Variants in DSCAM observed in about 807,000 individuals in gnomAD.
The protein encoded by DSCAM is cell adhesion molecule DSCAM.
Under a neutral mutation model 217.7 loss-of-function variants are expected in DSCAM, and 47 were observed. That is an observed-to-expected ratio of 0.22 (90% CI 0.17 to 0.28). The LOEUF is 0.28. Among genes scored for constraint, DSCAM ranks in the 10% least tolerant of loss-of-function variants. The pLI, the probability that DSCAM is intolerant of heterozygous loss-of-function variation, is 1.00. For synonymous variants in DSCAM, 1,056 were observed against 1,015.3 expected, an observed-to-expected ratio of 1.04 and a Z score of -0.76; for missense variants, 2,080 against 2,618.3, an observed-to-expected ratio of 0.79 and a Z score of 4.49.
At chr21:40,629,320 A>G (rs2089655587) in intron 3 of DSCAM, among the ~76,000 whole-genome samples, 1 of 152,240 alleles carries the variant, frequency 6.6e-6, no homozygotes, top group East Asian at 1.9e-4. Context: ...AAACAGAAGT[A>G]ATCAAATTTA....
chr21:40,681,589 C>A (rs1405325751), intron 3 of DSCAM, among the ~76,000 whole-genome samples: 1 of 151,026 alleles, frequency 6.6e-6, no homozygotes, highest in African/African-American at 2.4e-5. Context: ...TGAGAGAGGG[C>A]AAATAAAGAA....
intron 2 of DSCAM, among the ~76,000 whole-genome samples, chr21:40,697,045 A>C (rs184559569): frequency 1.3e-5 from 2 of 151,976 alleles, no homozygotes. Context: ...TCAGCCAACT[A>C]CTCTTTAACC....
chr21:40,403,231 C>T (rs968777060), intron 3 of DSCAM, among the ~76,000 whole-genome samples: 2 of 151,842 alleles, frequency 1.3e-5, no homozygotes, highest in Non-Finnish European at 2.9e-5. Flanking sequence ...TATCAATGAA[C>T]TAGCATACTT....
chr21:40,317,302 T>C (rs1406712052), intron 8 of DSCAM, among the ~76,000 whole-genome samples: 1 of 152,184 alleles, frequency 6.6e-6, no homozygotes, highest in Admixed American at 6.5e-5. Flanking sequence ...CTGATACAGT[T>C]CTCCACAATG....
At chr21:40,665,198 G>C (rs1264428865) in intron 3 of DSCAM, among the ~76,000 whole-genome samples, 2 of 152,188 alleles carry the variant, frequency 1.3e-5, no homozygotes, top group Non-Finnish European at 2.9e-5. Flanking sequence ...CACAGAGGCA[G>C]GCTGGGCATG....
chr21:40,267,854 C>T lies in DSCAM; in HGVS notation c.2356+8243G>A, dbSNP rs1419626507. 2.3e-4 allele frequency among the ~76,000 whole-genome samples: 35 copies of T among 151,916 alleles called. 1 individual carries two copies. Among genetic ancestry groups the T allele is most frequent in the Admixed American group, 2.3e-3 (35 of 15,238 alleles). ...GAGGTTGTAGTGAGCTGAGATCGTG[C>T]CATTGCACTCTAGCCTGGGAAACAA... is the stretch of plus-strand genomic sequence containing the variant. On this transcript the variant is annotated intron_variant, in intron 11 of 32. Transcript: ENST00000400454.
At position 40,838,901 on chromosome 21, in the gene DSCAM, C is replaced by T. The variant is rs371130973; in HGVS notation, c.43+7718G>A. On this transcript the variant is annotated intron_variant, in intron 1 of 32. Transcript: ENST00000400454. ...CAGCAGTATTTGCATAAAAATTCAA[C>T]GATTCTACTATTAATAAAACCCAAA... 1.2e-4 allele frequency among the ~76,000 whole-genome samples: 19 copies of T among 152,236 alleles called. No homozygotes were observed. The East Asian group carries it at 1.7e-3, about 14-fold the overall frequency.
At chr21:40,017,680 T>G (rs529528356) in intron 32 of DSCAM, among the ~76,000 whole-genome samples, 2 of 151,752 alleles carry the variant, frequency 1.3e-5, no homozygotes, top group African/African-American at 2.4e-5. Context: ...GCCTCCTGAG[T>G]AGCTGGGATT....
At chr21:40,115,789 A>C (rs1254680325) in intron 20 of DSCAM, among the ~76,000 whole-genome samples, 4 of 152,194 alleles carry the variant, frequency 2.6e-5, no homozygotes, top group Non-Finnish European at 5.9e-5. Flanking sequence ...TTGACCTGGC[A>C]ATCCCATTAC....
intron 3 of DSCAM, among the ~76,000 whole-genome samples, chr21:40,588,167 C>T (rs1289327373): frequency 6.6e-6 from 1 of 152,174 alleles, no homozygotes; most frequent in Non-Finnish European, 1.5e-5. Flanking sequence ...CCCTCAGCTG[C>T]TCTGAGAAGA....
chr21:40,079,233 T>C (rs1173246934), intron 25 of DSCAM, among the ~76,000 whole-genome samples: 1 of 152,170 alleles, frequency 6.6e-6, no homozygotes, highest in East Asian at 1.9e-4. Flanking sequence ...TAGAGTTCCC[T>C]AAAGAACAAT....
intron 3 of DSCAM, among the ~76,000 whole-genome samples, chr21:40,481,584 G>C (rs1397051363): frequency 6.7e-6 from 1 of 148,800 alleles, no homozygotes; most frequent in African/African-American, 2.5e-5. Context: ...CCTTGCTCAG[G>C]AACAATGAAA....
intron 28 of DSCAM, among the ~76,000 whole-genome samples, chr21:40,058,399 A>T (rs942334170): frequency 6.6e-6 from 1 of 152,118 alleles, no homozygotes; most frequent in Non-Finnish European, 1.5e-5. Context: ...ACTCTCTAGC[A>T]TATACTTAGT....
chr21:40,576,048 G>A (rs1057413350), intron 3 of DSCAM, among the ~76,000 whole-genome samples: 13 of 152,214 alleles, frequency 8.5e-5, no homozygotes, highest in Admixed American at 3.3e-4. Flanking sequence ...AAGAGTTTAA[G>A]TGGTACCTTT....
At chr21:40,781,992 C>CAAAAAAAAAAAAAAAAAAA (rs57750960) in intron 1 of DSCAM, among the ~76,000 whole-genome samples, 3 of 106,396 alleles carry the variant, frequency 2.8e-5, no homozygotes, top group Non-Finnish European at 3.5e-5. Flanking sequence ...ACTAAAAATA[C>CAAAAAAAAAAAAAAAAAAA]AAAAAAAAAA....
At chr21:40,845,795 C>T (rs1013789432) in intron 1 of DSCAM, among the ~76,000 whole-genome samples, 3 of 152,132 alleles carry the variant, frequency 2.0e-5, no homozygotes, top group Non-Finnish European at 4.4e-5. Context: ...GAGAGGAAGC[C>T]ATTCATACAT....
intron 4 of DSCAM, among the ~76,000 whole-genome samples, chr21:40,366,641 TTG>T (rs760357876): frequency 6.6e-5 from 10 of 152,210 alleles, no homozygotes; most frequent in Non-Finnish European, 1.0e-4. Flanking sequence ...TGTGATAAAG[TTG>T]TGTTGGGTTA....
intron 3 of DSCAM, among the ~76,000 whole-genome samples, chr21:40,632,589 T>C (rs1601806844): frequency 6.6e-6 from 1 of 152,136 alleles, no homozygotes; most frequent in African/African-American, 2.4e-5. Flanking sequence ...TTTCAGTATA[T>C]CCAACACTGA....
chr21:40,784,728 T>C (rs2091577962), intron 1 of DSCAM, among the ~76,000 whole-genome samples: 1 of 152,196 alleles, frequency 6.6e-6, no homozygotes, highest in African/African-American at 2.4e-5. Flanking sequence ...TGCTCTTGTT[T>C]CCTTTCCACT....
Sources: gnomAD v4.1 joint callset for allele counts (sites outside exome capture counted in the v4.1 genomes callset) on GRCh38, gnomAD v4.1.1 for gene constraint, MANE v1.5 for transcripts, NCBI Gene and HGNC (gene_info 2026-07-23, HGNC 2026-07-21) for gene names.